The following ZNF709 variants were observed in gnomAD, a reference collection of about 807,000 sequenced individuals.
ZNF709 encodes zinc finger protein 709.
Under a neutral mutation model 10.6 loss-of-function variants are expected in ZNF709, and 15 were observed. The ratio of observed to expected loss-of-function variants is 1.41; its 90% CI spans 0.95 to 2.18. ZNF709 has a LOEUF of 2.18. ZNF709 is among the 30% of genes most tolerant of loss of function. The probability of loss-of-function intolerance (pLI) is 0.00; values close to 1 mark genes in which losing one functional copy is unlikely to be tolerated. For missense variants in ZNF709, 589 were observed against 774.0 expected, an observed-to-expected ratio of 0.76 and a Z score of 2.84; for synonymous variants, 194 against 238.8, an observed-to-expected ratio of 0.81 and a Z score of 1.73.
intron 1 of ZNF709, among the ~76,000 whole-genome samples, chr19:12,483,819 G>A (rs770515067): frequency 6.6e-6 from 1 of 152,130 alleles, no homozygotes; most frequent in Non-Finnish European, 1.5e-5. Flanking sequence ...ATCTTTTCAA[G>A]GTGATAAGCC....
At position 12,465,706 on chromosome 19, in the gene ZNF709, T is replaced by G; in HGVS notation, c.216A>C (p.Glu72Asp). 6.3e-7 allele frequency: 1 copy of G among 1,597,080 alleles called. No homozygotes were observed. Among genetic ancestry groups the G allele is most frequent in the South Asian group, 1.1e-5 (1 of 87,418 alleles). Reference sequence around the variant, plus strand: ...CTCCAAACTGACTACCTTCTTTCCTTTCACAGAGCCTCTCTACCATATGAC... The same window carrying G: ...CTCCAAACTGACTACCTTCTTTCCTGTCACAGAGCCTCTCTACCATATGAC... ...LRSHMVERLC[E>D]RKEGSQFGET... Residue 72 changes from glutamate (E) to aspartate (D), a missense_variant, in exon 4 of 4, where the codon GAA becomes GAC. Around this residue, in one of 2 missense-constraint regions of ZNF709, gnomAD observed 418 missense variants for 496.3 expected, o/e 0.84. Coordinates refer to ENST00000397732, the MANE Select transcript of ZNF709 (RefSeq NM_152601.4).
chr19:12,482,560 C>G (rs1045734475), intron 1 of ZNF709, among the ~76,000 whole-genome samples: 1 of 152,128 alleles, frequency 6.6e-6, no homozygotes, highest in Non-Finnish European at 1.5e-5. Flanking sequence ...GATCTCCTGG[C>G]CTTTACAGAC....
chr19:12,480,192 A>C (rs1367662604), intron 1 of ZNF709, among the ~76,000 whole-genome samples: 1 of 152,060 alleles, frequency 6.6e-6, no homozygotes, highest in Non-Finnish European at 1.5e-5. Flanking sequence ...TACTTTAAGC[A>C]CTGACAATTA....
At chr19:12,483,539 A>G (rs948611864) in intron 1 of ZNF709, among the ~76,000 whole-genome samples, 2 of 151,170 alleles carry the variant, frequency 1.3e-5, no homozygotes, top group Non-Finnish European at 3.0e-5. Flanking sequence ...ATTTTATTTT[A>G]TTTTTTTATT....
chr19:12,466,325 AC>A, intron 3 of ZNF709, 136 bp downstream of exon 3: 1 of 785,710 alleles, frequency 1.3e-6, no homozygotes, highest in Non-Finnish European at 2.0e-6. Context: ...TTTTAAGAAA[AC>A]GTTCTTGGCA....
chr19:12,479,835 AC>A (rs1001573921), intron 1 of ZNF709, among the ~76,000 whole-genome samples: 17 of 152,086 alleles, frequency 1.1e-4, no homozygotes, highest in Admixed American at 7.2e-4. Flanking sequence ...GTGCCACTGC[AC>A]CCCAGCCTGG....
At chr19:12,482,428 C>T (rs1170934926) in intron 1 of ZNF709, among the ~76,000 whole-genome samples, 3 of 152,118 alleles carry the variant, frequency 2.0e-5, no homozygotes, top group Admixed American at 2.0e-4. Flanking sequence ...CATTCCCTCA[C>T]CCCTGGTGAC....
chr19:12,464,553 A>C lies in ZNF709; in HGVS notation c.1369T>G (p.Phe457Val). The change falls in exon 4 of 4, where the codon TTC becomes GTC. Residue 457 changes from phenylalanine (F) to valine (V), a missense_variant. Transcript: ENST00000397732. ...ATTCGAAAGGAACTGGAACAACTGA[A>C]GGCTTTACCACACTGTTTACATTCA... ...PYECKQCGKAFSCSSSFRMHE... is the reference protein window; with the variant it reads ...PYECKQCGKAVSCSSSFRMHE... 1 of 1,612,382 alleles carries C rather than the reference A, an allele frequency of 6.2e-7. No homozygotes were observed. Among genetic ancestry groups the C allele is most frequent in the Non-Finnish European group, 8.5e-7 (1 of 1,179,356 alleles).
intron 1 of ZNF709, among the ~76,000 whole-genome samples, chr19:12,481,355 T>A (rs538381396): frequency 5.3e-5 from 8 of 152,046 alleles, no homozygotes; most frequent in Non-Finnish European, 1.2e-4. Flanking sequence ...TGCCTCAGCC[T>A]CCCGAGTAGC....
chr19:12,470,347 T>C (rs1411268557), intron 1 of ZNF709, among the ~76,000 whole-genome samples: 2 of 152,186 alleles, frequency 1.3e-5, no homozygotes, highest in African/African-American at 4.8e-5. Context: ...TTTCTTGTTG[T>C]TGGGTCAAAG....
At chr19:12,482,138 TACACACACACACACACAAACACACACAC>T (rs924545697) in intron 1 of ZNF709, among the ~76,000 whole-genome samples, 2 of 43,024 alleles carry the variant, frequency 4.6e-5, no homozygotes, top group African/African-American at 2.3e-4. Flanking sequence ...ACCTCTAAAA[TACACACACACACACACAAACACACACAC>T]ACACACACAC....
chr19:12,474,010 C>G (rs1970656855), intron 1 of ZNF709, among the ~76,000 whole-genome samples: 1 of 152,236 alleles, frequency 6.6e-6, no homozygotes, highest in Non-Finnish European at 1.5e-5. Context: ...TGTGCCATTG[C>G]ACTCCAGCCT....
chr19:12,461,422 G>C lies in ZNF709; in HGVS notation c.*2574C>G, dbSNP rs929772149. Reference sequence around the variant, plus strand: ...CCGACAATCTGCTTGATATTAGGAAGGTGCTTATTCTTACACTGTAGGACT... The same window carrying C: ...CCGACAATCTGCTTGATATTAGGAACGTGCTTATTCTTACACTGTAGGACT... On this transcript the variant is annotated 3_prime_UTR_variant, in exon 4 of 4. Coordinates refer to ENST00000397732, the MANE Select transcript of ZNF709 (RefSeq NM_152601.4). 1 of 152,106 alleles carries C rather than the reference G, an allele frequency of 6.6e-6. No individual in the cohort carries two copies. Among genetic ancestry groups the C allele is most frequent in the South Asian group, 2.1e-4 (1 of 4,812 alleles). The allele number at this position is 152,106 out of a possible 1,614,324, so 9.4% of individuals were successfully genotyped here. A position where few individuals can be genotyped will look rare whatever the true frequency, so the allele number is the denominator to read the frequency against.
rs1458656800 is a variant in ZNF709 at position 12,465,237 on chromosome 19, ATT to A, written c.683_684del (p.Glu228ValfsTer15). 2 of 1,612,824 alleles carry A rather than the reference ATT, an allele frequency of 1.2e-6. No individual in the cohort carries two copies. The highest frequency in any genetic ancestry group is 2.7e-5 in the African/African-American group (2 of 74,894). On this transcript the variant is annotated frameshift_variant, in exon 4 of 4. Transcript: ENST00000397732. LOFTEE classifies it low-confidence loss of function (END_TRUNC). ...CTGGGATGACTGAACGTTTTCCCGCATTCTTTACATTTATAGGGTTTCTCCCC... is the reference window on the plus strand; with the variant it reads ...CTGGGATGACTGAACGTTTTCCCGCACTTTACATTTATAGGGTTTCTCCCC... ...HTGEKPYKCK[E>X]CGKTFSHPSS...
chr19:12,467,951 G>A (rs1490707984), intron 1 of ZNF709, among the ~76,000 whole-genome samples: 5 of 150,750 alleles, frequency 3.3e-5, no homozygotes, highest in African/African-American at 7.4e-5. Context: ...GCCCCCGCAC[G>A]GCCAGCCGCC....
chr19:12,479,605 T>A (rs142250004), intron 1 of ZNF709, among the ~76,000 whole-genome samples: 152 of 152,300 alleles, frequency 1.0e-3, no homozygotes, highest in African/African-American at 3.6e-3. Flanking sequence ...GTGCGATGGC[T>A]CACGCCTGTA....
At chr19:12,479,609 G>A (rs903834455) in intron 1 of ZNF709, among the ~76,000 whole-genome samples, 2 of 152,080 alleles carry the variant, frequency 1.3e-5, no homozygotes, top group African/African-American at 2.4e-5. Context: ...GATGGCTCAC[G>A]CCTGTAATCC....
intron 1 of ZNF709, among the ~76,000 whole-genome samples, chr19:12,476,984 A>T (rs1394442502): frequency 2.6e-5 from 4 of 152,204 alleles, no homozygotes; most frequent in Admixed American, 6.5e-5. Context: ...TTTTGCCTGC[A>T]AAGACTGTGC....
rs1010296865 is a variant in ZNF709, at chr19:12,473,263, T to C, written c.4-6413A>G. ...ACCATCAATGGATTGGATGATAAAATTGGATTCCCCCAGCCTGTCACTATC... is the reference window on the plus strand; with the variant it reads ...ACCATCAATGGATTGGATGATAAAACTGGATTCCCCCAGCCTGTCACTATC... On this transcript the variant is annotated intron_variant, in intron 1 of 3. Coordinates refer to ENST00000397732, the MANE Select transcript of ZNF709 (RefSeq NM_152601.4). Among the ~76,000 whole-genome samples the C allele has an allele frequency of 3.3e-5, 5 of 152,170 alleles. 1 individual carries two copies. Among genetic ancestry groups the C allele is most frequent in the African/African-American group, 7.2e-5 (3 of 41,440 alleles).
Sources: gnomAD v4.1 joint callset for allele counts (sites outside exome capture counted in the v4.1 genomes callset) on GRCh38, gnomAD v4.1.1 for gene constraint, gnomAD v4.1.1 regional missense constraint, MANE v1.5 for transcripts, NCBI Gene and HGNC (gene_info 2026-07-23, HGNC 2026-07-21) for gene names.